MAGI3: variants seen among roughly 807,000 people sequenced by gnomAD.
MAGI3 encodes the protein membrane associated guanylate kinase, WW and PDZ domain containing 3.
A neutral mutation model predicts 121.8 loss-of-function variants in MAGI3; 43 were observed. That is an observed-to-expected ratio of 0.35 (90% CI 0.28 to 0.46). The LOEUF (loss-of-function observed/expected upper bound fraction) is 0.46, where lower values mean the gene tolerates loss of function less well. MAGI3 is among the 20% of genes least tolerant of loss of function. The pLI, the probability that MAGI3 is intolerant of heterozygous loss-of-function variation, is 1.00. For synonymous variants in MAGI3, 553 were observed against 639.3 expected (o/e 0.86, Z 2.04); for missense variants, 1,547 against 1,797.3 (o/e 0.86, Z 2.52).
chr1:113,646,651 T>C lies in MAGI3; in HGVS notation c.2155+9T>C, dbSNP rs779688493. 5.1e-6 allele frequency: 8 copies of C among 1,576,158 alleles called. No individual in the cohort carries two copies. The highest frequency in any genetic ancestry group is 4.5e-5 in the East Asian group (2 of 44,446). ...TTTATATGAAGATAAACGTAAGTAG[T>C]TGTGGAATATTTCAGGAGAGCATAT... is the stretch of plus-strand genomic sequence containing the variant. On this transcript the variant is annotated intron_variant, in intron 12 of 20. Transcript: ENST00000307546.
intron 4 of MAGI3, among the ~76,000 whole-genome samples, chr1:113,588,272 C>G (rs1166390972): frequency 6.6e-6 from 1 of 152,050 alleles, no homozygotes; most frequent in Non-Finnish European, 1.5e-5. Flanking sequence ...GGTACAAATG[C>G]CCAGAGATGG....
chr1:113,432,246 A>G (rs1326648642), intron 1 of MAGI3, among the ~76,000 whole-genome samples: 1 of 152,200 alleles, frequency 6.6e-6, no homozygotes, highest in African/African-American at 2.4e-5. Context: ...TGTACATATC[A>G]TATTATTGAC....
chr1:113,411,529 A>G (rs1651985569), intron 1 of MAGI3, among the ~76,000 whole-genome samples: 2 of 152,104 alleles, frequency 1.3e-5, no homozygotes, highest in South Asian at 4.1e-4. Context: ...ATTACTTCCC[A>G]GATAATCCAT....
At chr1:113,480,155 TC>T (rs1656041911) in intron 1 of MAGI3, among the ~76,000 whole-genome samples, 1 of 152,232 alleles carries the variant, frequency 6.6e-6, no homozygotes, top group Non-Finnish European at 1.5e-5. Flanking sequence ...GTGTCATATT[TC>T]CCTGATGATT....
At chr1:113,622,577 G>A (rs1650893473) in intron 8 of MAGI3, among the ~76,000 whole-genome samples, 1 of 152,056 alleles carries the variant, frequency 6.6e-6, no homozygotes, top group Non-Finnish European at 1.5e-5. Flanking sequence ...TAGATGCTGA[G>A]TTTTATAGTA....
At chr1:113,668,799 G>A (rs1647344229) in intron 16 of MAGI3, among the ~76,000 whole-genome samples, 1 of 150,904 alleles carries the variant, frequency 6.6e-6, no homozygotes, top group African/African-American at 2.4e-5. Context: ...AGCCAGGATG[G>A]TCTCGATCTC....
At chr1:113,410,827 C>T (rs1358101088) in intron 1 of MAGI3, among the ~76,000 whole-genome samples, 3 of 152,040 alleles carry the variant, frequency 2.0e-5, no homozygotes, top group Non-Finnish European at 2.9e-5. Context: ...AGTGAGGATG[C>T]CTAGTAGCTA....
At chr1:113,394,551 T>C (rs1439678669) in intron 1 of MAGI3, among the ~76,000 whole-genome samples, 3 of 152,214 alleles carry the variant, frequency 2.0e-5, no homozygotes, top group Non-Finnish European at 4.4e-5. Context: ...ACAGAGTATA[T>C]ATTCTTAAAC....
chr1:113,672,699 T>C lies in MAGI3; in HGVS notation c.3003T>C (p.Pro1001=), dbSNP rs1175904717. Residue 1001 remains proline, a synonymous_variant, in exon 18 of 21, where the codon CCT becomes CCC. Transcript: ENST00000307546. ...CAGACCACAAGCACCTTGCACAGCCTGACACCGCAGTAATTTCAGTTGTAG... is the reference window on the plus strand; with the variant it reads ...CAGACCACAAGCACCTTGCACAGCCCGACACCGCAGTAATTTCAGTTGTAG... The part of the protein sequence containing the change: ...SWSDHKHLAQ[P]DTAVISVVGS... 1.2e-6 allele frequency: 2 copies of C among 1,613,872 alleles called. No homozygotes were observed. The highest frequency in any genetic ancestry group is 1.7e-6 in the Non-Finnish European group (2 of 1,179,890).
intron 1 of MAGI3, among the ~76,000 whole-genome samples, chr1:113,473,596 C>T (rs1273446026): frequency 2.6e-5 from 4 of 152,126 alleles, no homozygotes; most frequent in Non-Finnish European, 5.9e-5. Flanking sequence ...GACATGAACT[C>T]ATCCTTTTTT....
chr1:113,401,624 T>A (rs1282669942), intron 1 of MAGI3, among the ~76,000 whole-genome samples: 1 of 152,230 alleles, frequency 6.6e-6, no homozygotes, highest in African/African-American at 2.4e-5. Flanking sequence ...ATTTTGTTCT[T>A]GTGTTTCCTT....
intron 1 of MAGI3, among the ~76,000 whole-genome samples, chr1:113,469,876 C>A (rs1434121888): frequency 1.3e-5 from 2 of 151,980 alleles, no homozygotes; most frequent in Non-Finnish European, 2.9e-5. Context: ...CTGAATAAAT[C>A]TTTTATAAAT....
intron 2 of MAGI3, among the ~76,000 whole-genome samples, chr1:113,567,102 A>G (rs1409367271): frequency 6.6e-6 from 1 of 152,026 alleles, no homozygotes; most frequent in Non-Finnish European, 1.5e-5. Context: ...AAAAGGAGAT[A>G]TTATAACTGA....
chr1:113,668,178 G>A (rs935934049), intron 16 of MAGI3, among the ~76,000 whole-genome samples: 4 of 152,100 alleles, frequency 2.6e-5, no homozygotes, highest in Non-Finnish European at 4.4e-5. Flanking sequence ...ACATGCTGTT[G>A]GAAAAATGGC....
At chr1:113,670,791 A>G (rs1290118875) in intron 16 of MAGI3, among the ~76,000 whole-genome samples, 1 of 152,238 alleles carries the variant, frequency 6.6e-6, no homozygotes, top group African/African-American at 2.4e-5. Context: ...TATAGGCAAG[A>G]CAATTCAAAG....
intron 1 of MAGI3, among the ~76,000 whole-genome samples, chr1:113,448,138 C>A (rs1049470231): frequency 6.6e-6 from 1 of 152,124 alleles, no homozygotes; most frequent in Non-Finnish European, 1.5e-5. Flanking sequence ...GGCAGTGGTA[C>A]ATGGTGGAGG....
At chr1:113,558,856 A>G (rs533091700) in intron 2 of MAGI3, among the ~76,000 whole-genome samples, 33 of 152,320 alleles carry the variant, frequency 2.2e-4, no homozygotes, top group Non-Finnish European at 3.8e-4. Flanking sequence ...CCAGATAAAA[A>G]CAGTGGACCT....
At chr1:113,423,398 A>G (rs1652834937) in intron 1 of MAGI3, among the ~76,000 whole-genome samples, 1 of 151,592 alleles carries the variant, frequency 6.6e-6, no homozygotes, top group South Asian at 2.1e-4. Context: ...CAGCCTCTCG[A>G]GTAGCTGGGA....
At chr1:113,583,664 T>C (rs1648182482) in intron 3 of MAGI3, among the ~76,000 whole-genome samples, 1 of 152,098 alleles carries the variant, frequency 6.6e-6, no homozygotes, top group Non-Finnish European at 1.5e-5. Flanking sequence ...GCCAAATCTC[T>C]GTTTGGTGTA....
Sources: allele counts gnomAD v4.1 joint callset (sites outside exome capture counted in the v4.1 genomes callset), GRCh38; gene constraint gnomAD v4.1.1; transcripts MANE v1.5; gene names NCBI Gene and HGNC (gene_info 2026-07-23, HGNC 2026-07-21).